The following GBF1 variants were observed in gnomAD, a reference collection of about 807,000 sequenced individuals.
GBF1 encodes Golgi-specific brefeldin A-resistance guanine nucleotide exchange factor 1.
Under a neutral mutation model 210.5 loss-of-function variants are expected in GBF1, and 114 were observed. The ratio of observed to expected loss-of-function variants is 0.54; its 90% CI spans 0.47 to 0.63. The LOEUF is 0.63. Among genes scored for constraint, GBF1 ranks in the 30% least tolerant of loss-of-function variants. The pLI is 0.00. For synonymous variants in GBF1, 850 were observed against 889.2 expected (o/e 0.96, Z 0.78); for missense variants, 1,851 against 2,357.7 (o/e 0.79, Z 4.45).
At position 102,361,850 on chromosome 10, in the gene GBF1, A is replaced by G. The variant is rs1452511985; in HGVS notation, c.1624A>G (p.Asn542Asp). ...CAGCTTTGTCACAGAGCTCTACATC[A>G]ACTATGATTGTGACTACTACTGTTC... ...IPSFVTELYI[N>D]YDCDYYCSNL... is the part of the protein sequence containing the mutation. The change falls in exon 14 of 40, where the codon AAC (asparagine) becomes GAC (aspartate). Residue 542 changes from asparagine to aspartate, a missense_variant. Physicochemically the swap from Asn to Asp is conservative, Grantham distance 23. Coordinates refer to ENST00000369983, the MANE Select transcript of GBF1 (RefSeq NM_001377137.1). 4 of 1,613,886 alleles carry G rather than the reference A, an allele frequency of 2.5e-6. No homozygotes were observed. Among genetic ancestry groups the G allele is most frequent in the Admixed American group, 3.3e-5 (2 of 59,990 alleles).
intron 3 of GBF1, among the ~76,000 whole-genome samples, chr10:102,330,808 A>G (rs1392127769): frequency 1.3e-5 from 2 of 152,230 alleles, no homozygotes. Flanking sequence ...GCTCCTAGCA[A>G]CAAGTTAATC....
intron 1 of GBF1, among the ~76,000 whole-genome samples, chr10:102,253,095 A>C (rs1278945034): frequency 6.6e-6 from 1 of 152,048 alleles, no homozygotes; most frequent in Non-Finnish European, 1.5e-5. Flanking sequence ...GGGTTTCACC[A>C]TGCTGGCCAG....
rs531526566 is a variant in GBF1, at chr10:102,328,077, A to G, written c.164-15974A>G. ...GAGACAGCAGTGGCAAGTGATTACC[A>G]TACTTATCCTAGCTCCATCTATTTT... is the stretch of plus-strand genomic sequence containing the variant. On this transcript the variant is annotated intron_variant, in intron 3 of 39. Transcript: ENST00000369983. Among the ~76,000 whole-genome samples the G allele has an allele frequency of 2.6e-4, 40 of 152,364 alleles. No homozygotes were observed. In the South Asian group the frequency reaches 5.6e-3, roughly 21 times the overall value.
rs756509766 is a variant in GBF1 at position 102,362,558 on chromosome 10, G to C, written c.1770G>C (p.Glu590Asp). The change falls in exon 15 of 40, where the codon GAG becomes GAC. Residue 590 changes from glutamate (E) to aspartate (D), a missense_variant. Physicochemically the swap from Glu to Asp is conservative, Grantham distance 45 (BLOSUM62 2). This residue lies in a region of GBF1 where 804 missense variants were observed against 958.6 expected (regional missense o/e 0.84). Coordinates refer to ENST00000369983, the MANE Select transcript of GBF1 (RefSeq NM_001377137.1). ...TATTGACAGTGATTGACAGCACCGA[G>C]GCCCACTGCCAGGCTAAAGTCCTCA... ...DALLTVIDST[E>D]AHCQAKVLNS... 1.3e-5 allele frequency: 21 copies of C among 1,613,860 alleles called. No homozygotes were observed. Among genetic ancestry groups the C allele is most frequent in the Non-Finnish European group, 1.0e-5 (12 of 1,179,870 alleles).
At chr10:102,232,152 G>C in the GBF1 span, 2 of 939,522 alleles carry the variant, frequency 2.1e-6, no homozygotes, top group Admixed American at 4.0e-5. Flanking sequence ...GCTTAGCTAG[G>C]TCCCAGCAGC....
intron 1 of GBF1, among the ~76,000 whole-genome samples, chr10:102,257,150 A>AT (rs2072516575): frequency 6.6e-6 from 1 of 152,234 alleles, no homozygotes; most frequent in African/African-American, 2.4e-5. Flanking sequence ...GTTTGGGTAT[A>AT]TTAGCACAGA....
intron 8 of GBF1, among the ~76,000 whole-genome samples, chr10:102,355,399 T>C (rs2059235383): frequency 1.3e-5 from 2 of 152,230 alleles, no homozygotes; most frequent in Admixed American, 6.5e-5. Flanking sequence ...TGCTCCTTTT[T>C]TGTAAAGCTT....
At chr10:102,287,744 C>T (rs949563195) in intron 3 of GBF1, among the ~76,000 whole-genome samples, 7 of 152,170 alleles carry the variant, frequency 4.6e-5, no homozygotes, top group Admixed American at 3.3e-4. Context: ...AGAAGCCACA[C>T]TTTGTTTTCT....
intron 3 of GBF1, among the ~76,000 whole-genome samples, chr10:102,342,385 ACACG>A (rs1043263945): frequency 2.7e-5 from 4 of 149,536 alleles, no homozygotes; most frequent in African/African-American, 1.0e-4. Flanking sequence ...TTTTTCACAC[ACACG>A]CACACACACA....
chr10:102,301,585 A>G (rs1261257130), intron 3 of GBF1, among the ~76,000 whole-genome samples: 1 of 151,952 alleles, frequency 6.6e-6, no homozygotes, highest in Non-Finnish European at 1.5e-5. Context: ...CTCACTTCTC[A>G]GACGGGGCGG....
intron 20 of GBF1, 75 bp downstream of exon 20, chr10:102,367,285 C>T (rs2059964964): frequency 1.3e-6 from 2 of 1,494,038 alleles, no homozygotes; most frequent in Non-Finnish European, 1.9e-6. Context: ...ATAGGATTTC[C>T]AGTGGGCATG....
chr10:102,331,851 ATTTTT>A (rs869198412), intron 3 of GBF1, among the ~76,000 whole-genome samples: 1 of 85,318 alleles, frequency 1.2e-5, no homozygotes, highest in South Asian at 4.8e-4. Flanking sequence ...TACCTGGCTA[ATTTTT>A]TTTTTTTTTT....
chr10:102,265,476 G>A (rs776143154), intron 3 of GBF1, among the ~76,000 whole-genome samples: 12 of 152,012 alleles, frequency 7.9e-5, no homozygotes, highest in Non-Finnish European at 1.3e-4. Context: ...CTGGGAGTTC[G>A]AGACCAGCAT....
At chr10:102,232,417 T>TCC in the GBF1 span, among the ~76,000 whole-genome samples, 1 of 152,342 alleles carries the variant, frequency 6.6e-6, no homozygotes, top group Admixed American at 6.5e-5. Context: ...GCGCAGTGGC[T>TCC]CACGCCTGTA....
chr10:102,363,305 C>G lies in GBF1; in HGVS notation c.1926C>G (p.Ile642Met). 1 of 1,613,692 alleles carries G rather than the reference C, an allele frequency of 6.2e-7. No homozygotes were observed. The part of the protein sequence containing the change: ...DGKAVGMASD[I>M]PGLHLPGGGR... Reference sequence around the variant, plus strand: ...AAGCTGTAGGCATGGCCTCAGACATCCCAGGCCTGCATCTGCCAGGTGGAG... The same window carrying G: ...AAGCTGTAGGCATGGCCTCAGACATGCCAGGCCTGCATCTGCCAGGTGGAG... Residue 642 changes from isoleucine (I) to methionine (M), a missense_variant, in exon 16 of 40, where the codon ATC becomes ATG. Physicochemically the swap from Ile to Met is conservative, Grantham distance 10 (BLOSUM62 1). Transcript: ENST00000369983. This position sits in a 1 kb window ranked among gnomAD's most constrained non-coding sequence, Gnocchi z 4.2.
In GBF1 at chr10:102,362,594, C is replaced by G; in HGVS notation, c.1806C>G (p.Thr602=). The G allele has an allele frequency of 6.2e-7, 1 of 1,614,132 alleles. No homozygotes were observed. Among genetic ancestry groups the G allele is most frequent in the Non-Finnish European group, 8.5e-7 (1 of 1,180,012 alleles). The change falls in exon 15 of 40, where the codon ACC becomes ACG. Residue 602 remains threonine (T), a synonymous_variant. Transcript: ENST00000369983. ...AGGCTAAAGTCCTCAACAGCCTCAC[C>G]CAGCAAGAGAAGAAGGAGACAGCCA... ...HCQAKVLNSL[T]QQEKKETARP...
chr10:102,345,250 C>T (rs958558015), intron 4 of GBF1, among the ~76,000 whole-genome samples: 1 of 143,658 alleles, frequency 7.0e-6, no homozygotes, highest in African/African-American at 2.6e-5. Context: ...CCACTGTACT[C>T]TAACCTGAGC....
In GBF1 at chr10:102,265,751, ATCT is replaced by A. The variant is rs375437987; in HGVS notation, c.163+5637_163+5639del. Among the ~76,000 whole-genome samples the A allele has an allele frequency of 1.3e-4, 20 of 152,316 alleles. No individual in the cohort carries two copies. In the East Asian group the frequency reaches 3.1e-3, roughly 24 times the overall value. On this transcript the variant is annotated intron_variant, in intron 3 of 39. Transcript: ENST00000369983. Reference sequence around the variant, plus strand: ...AACCAAAATCTTCTCTTATGGGATCATCTTTTAATGACTTACTTTAAAGCCTTC... The same window carrying A: ...AACCAAAATCTTCTCTTATGGGATCATTTAATGACTTACTTTAAAGCCTTC...
At position 102,366,358 on chromosome 10, in the gene GBF1, C is replaced by G. The variant is rs755963561; in HGVS notation, c.2310-25C>G. On this transcript the variant is annotated intron_variant, in intron 18 of 39. Transcript: ENST00000369983. The surrounding 1 kb of genome is among the most constrained non-coding windows in gnomAD (Gnocchi z 4.0). ...CATGTGCAGCTTACACATTTTCAGC[C>G]TCTTCTTCCTTTCTTTCCCTATAGC... The G allele has an allele frequency of 6.2e-7, 1 of 1,613,560 alleles. No individual in the cohort carries two copies. Among genetic ancestry groups the G allele is most frequent in the Non-Finnish European group, 8.5e-7 (1 of 1,179,582 alleles).
Sources: gnomAD v4.1 joint callset for allele counts (sites outside exome capture counted in the v4.1 genomes callset) on GRCh38, gnomAD v4.1.1 for gene constraint, gnomAD v4.1.1 regional missense constraint, Gnocchi (gnomAD v3.1) non-coding constraint, MANE v1.5 for transcripts, NCBI Gene and HGNC (gene_info 2026-07-23, HGNC 2026-07-21) for gene names.